Variants in DPP10 observed in about 807,000 individuals in gnomAD.
The protein encoded by DPP10 is inactive dipeptidyl peptidase 10.
A neutral mutation model predicts 120.9 loss-of-function variants in DPP10; 33 were observed. The ratio of observed to expected loss-of-function variants is 0.27; its 90% confidence interval spans 0.21 to 0.37. The LOEUF is 0.37. Ranked by LOEUF, DPP10 falls within the 10% of genes least tolerant of loss-of-function variation. The pLI is 1.00. For missense variants in DPP10, 816 were observed against 942.8 expected (o/e 0.87, Z 1.76); for synonymous variants, 337 against 326.1 (o/e 1.03, Z -0.36).
intron 1 of DPP10, among the ~76,000 whole-genome samples, chr2:115,280,876 A>G (rs546591444): frequency 1.2e-4 from 19 of 152,306 alleles, no homozygotes; most frequent in African/African-American, 4.1e-4. Flanking sequence ...GATTTCTTCC[A>G]TAGTCACTTA....
intron 1 of DPP10, among the ~76,000 whole-genome samples, chr2:114,666,309 AT>A (rs1697917334): frequency 1.3e-5 from 2 of 152,232 alleles, no homozygotes. Context: ...AAGTAGGAAA[AT>A]TTAAACACAT....
intron 1 of DPP10, among the ~76,000 whole-genome samples, chr2:114,549,327 G>T (rs76233559): frequency 3.3e-5 from 5 of 151,812 alleles, no homozygotes; most frequent in Admixed American, 3.3e-4. Context: ...TTGAGAAGAG[G>T]CAGCTGACTT....
At chr2:114,559,944 G>C (rs1324385935) in intron 1 of DPP10, among the ~76,000 whole-genome samples, 1 of 147,640 alleles carries the variant, frequency 6.8e-6, no homozygotes, top group Non-Finnish European at 1.5e-5. Flanking sequence ...AAAGGACAGA[G>C]AGAATTATGA....
intron 1 of DPP10, among the ~76,000 whole-genome samples, chr2:114,881,576 CTA>C (rs1691635094): frequency 1.9e-5 from 2 of 103,220 alleles, no homozygotes; most frequent in Admixed American, 1.1e-4. Context: ...ATCTATCTAT[CTA>C]TCTGTCTGTC....
intron 1 of DPP10, among the ~76,000 whole-genome samples, chr2:114,866,413 A>G (rs1427414941): frequency 6.6e-6 from 1 of 152,180 alleles, no homozygotes; most frequent in East Asian, 1.9e-4. Context: ...GAATACATAT[A>G]GTGAAACATA....
intron 5 of DPP10, among the ~76,000 whole-genome samples, chr2:115,573,577 C>T (rs1269297892): frequency 1.4e-5 from 2 of 142,562 alleles, no homozygotes; most frequent in South Asian, 2.3e-4. Context: ...CCACTGCGCC[C>T]GGCCTTTTTT....
chr2:114,654,190 C>T (rs1384891332), intron 1 of DPP10, among the ~76,000 whole-genome samples: 6 of 152,262 alleles, frequency 3.9e-5, no homozygotes, highest in South Asian at 2.1e-4. Context: ...AAACTGCACT[C>T]GAAATGGTAT....
intron 1 of DPP10, among the ~76,000 whole-genome samples, chr2:114,484,733 A>T (rs1170916083): frequency 3.3e-5 from 5 of 152,140 alleles, no homozygotes; most frequent in African/African-American, 9.7e-5. Flanking sequence ...TGATTCATAT[A>T]GTGTTCATTA....
At chr2:114,710,797 T>A (rs1363034482) in intron 1 of DPP10, among the ~76,000 whole-genome samples, 3 of 152,102 alleles carry the variant, frequency 2.0e-5, no homozygotes, top group Admixed American at 2.0e-4. Flanking sequence ...AAATTTTTCA[T>A]GTAGTAGGAT....
At chr2:115,485,421 AT>A (rs1319538075) in intron 3 of DPP10, among the ~76,000 whole-genome samples, 1 of 151,994 alleles carries the variant, frequency 6.6e-6, no homozygotes, top group Non-Finnish European at 1.5e-5. Flanking sequence ...CTTTGTAAGT[AT>A]TTTCATATAT....
At chr2:115,656,327 T>C (rs2088336468) in intron 5 of DPP10, among the ~76,000 whole-genome samples, 1 of 151,610 alleles carries the variant, frequency 6.6e-6, no homozygotes, top group Non-Finnish European at 1.5e-5. Flanking sequence ...CAGAGATGGA[T>C]TGTGAAATAA....
At chr2:115,015,868 C>A (rs983028098) in intron 1 of DPP10, among the ~76,000 whole-genome samples, 4 of 151,946 alleles carry the variant, frequency 2.6e-5, no homozygotes, top group Admixed American at 2.6e-4. Flanking sequence ...ACAAATGGAA[C>A]AACATTCCAT....
At chr2:115,500,047 G>A (rs142277410) in intron 4 of DPP10, among the ~76,000 whole-genome samples, 1 of 151,906 alleles carries the variant, frequency 6.6e-6, no homozygotes, top group African/African-American at 2.4e-5. Context: ...TTCAGCTGAG[G>A]TTGATGTGTT....
intron 1 of DPP10, among the ~76,000 whole-genome samples, chr2:114,941,463 C>T (rs772640947): frequency 6.6e-6 from 1 of 152,104 alleles, no homozygotes. Context: ...TTAGTTATTC[C>T]TTGGATATTA....
At chr2:115,044,747 A>C (rs1225263788) in intron 1 of DPP10, among the ~76,000 whole-genome samples, 1 of 152,132 alleles carries the variant, frequency 6.6e-6, no homozygotes, top group Non-Finnish European at 1.5e-5. Flanking sequence ...AACCATTCTC[A>C]GTTTCCCCTG....
At chr2:115,271,107 T>C (rs1313099146) in intron 1 of DPP10, among the ~76,000 whole-genome samples, 2 of 152,222 alleles carry the variant, frequency 1.3e-5, no homozygotes, top group Non-Finnish European at 2.9e-5. Flanking sequence ...TTAAAGGGAA[T>C]TTGCATTTAG....
chr2:114,878,586 C>T (rs914308553), intron 1 of DPP10, among the ~76,000 whole-genome samples: 7 of 152,068 alleles, frequency 4.6e-5, no homozygotes, highest in African/African-American at 1.4e-4. Flanking sequence ...ATCCTTAGCC[C>T]TTCACACACT....
intron 1 of DPP10, among the ~76,000 whole-genome samples, chr2:114,558,185 G>A (rs912134152): frequency 7.2e-5 from 11 of 152,122 alleles, no homozygotes; most frequent in African/African-American, 1.2e-4. Flanking sequence ...GTGCCCGGGC[G>A]CTCCAGGCTA....
At chr2:115,775,722 G>C in intron 13 of DPP10, among the ~76,000 whole-genome samples, 1 of 152,002 alleles carries the variant, frequency 6.6e-6, no homozygotes, top group Non-Finnish European at 1.5e-5. Flanking sequence ...AATTAAAACA[G>C]TATCAGAAAA....
Sources: gnomAD v4.1 joint callset for allele counts (sites outside exome capture counted in the v4.1 genomes callset) on GRCh38, gnomAD v4.1.1 for gene constraint, MANE v1.5 for transcripts, NCBI Gene and HGNC (gene_info 2026-07-23, HGNC 2026-07-21) for gene names.